Variants in PHF10 observed in about 807,000 individuals in gnomAD.
PHF10 encodes the protein PHD finger protein 10, also known as BRG1-associated factor 45a.
Under a neutral mutation model 68.5 loss-of-function variants are expected in PHF10, and 51 were observed. That is an observed-to-expected ratio of 0.74 (90% confidence interval 0.59 to 0.94). PHF10 has a LOEUF of 0.94. Among genes scored for constraint, PHF10 ranks in the 40% least tolerant of loss-of-function variants. PHF10 has a pLI of 0.00. For missense variants in PHF10, 460 were observed against 602.6 expected (o/e 0.76, Z 2.48); for synonymous variants, 204 against 203.5 (o/e 1.00, Z -0.02).
At chr6:169,716,797 C>T (rs980573727) in intron 4 of PHF10, among the ~76,000 whole-genome samples, 1 of 152,166 alleles carries the variant, frequency 6.6e-6, no homozygotes, top group African/African-American at 2.4e-5. Context: ...CAGCACACTA[C>T]AACCCCAAAG....
In PHF10 at chr6:169,705,615, C is replaced by T. The variant is rs747986925; in HGVS notation, c.1222+1G>A. The T allele has an allele frequency of 8.3e-6, 11 of 1,326,486 alleles. No individual in the cohort carries two copies. The highest frequency in any genetic ancestry group is 1.2e-5 in the Non-Finnish European group (11 of 918,112). The allele number at this position is 1,326,486 out of a possible 1,614,324, so 82.2% of individuals were successfully genotyped here. A position where few individuals can be genotyped will look rare whatever the true frequency, so the allele number is the denominator to read the frequency against. On this transcript the variant is annotated splice_donor_variant, in intron 10 of 11. Coordinates refer to ENST00000339209, the MANE Select transcript of PHF10 (RefSeq NM_018288.4). LOFTEE classifies it high-confidence loss of function. The stretch of plus-strand genomic sequence containing the variant: ...TTTTAAAAAGACATTTCAATACTTA[C>T]CACTATTCTCACATTGGGAGCAGTG...
chr6:169,712,419 TC>T lies in PHF10; in HGVS notation c.923del (p.Arg308GlnfsTer77). ...DGDSDDGEDGRGDEKRKNKGT... is the reference protein window; with the variant it reads ...DGDSDDGEDGXGDEKRKNKGT... ...CTTTATTTTTCCGTTTCTCATCACC[TC>T]GACCATCTTCGCCATCATCTGAATC... is the stretch of plus-strand genomic sequence containing the variant. On this transcript the variant is annotated frameshift_variant, in exon 8 of 12. Coordinates refer to ENST00000339209, the MANE Select transcript of PHF10 (RefSeq NM_018288.4). LOFTEE classifies it high-confidence loss of function. 1 of 1,614,116 alleles carries T rather than the reference TC, an allele frequency of 6.2e-7. No individual in the cohort carries two copies. The highest frequency in any genetic ancestry group is 8.5e-7 in the Non-Finnish European group (1 of 1,179,968).
chr6:169,717,358 AAAAAGT>A (rs1234441971), intron 4 of PHF10, among the ~76,000 whole-genome samples: 3 of 152,228 alleles, frequency 2.0e-5, no homozygotes, highest in Admixed American at 6.5e-5. Context: ...AAACTATCCT[AAAAAGT>A]AAAAGCATTT....
chr6:169,713,337 G>A (rs768560038), intron 7 of PHF10, among the ~76,000 whole-genome samples: 1 of 152,054 alleles, frequency 6.6e-6, no homozygotes, highest in Non-Finnish European at 1.5e-5. Context: ...AGTGGCTCAC[G>A]CCTATAATCC....
At position 169,705,126 on chromosome 6, in the gene PHF10, T is replaced by C. The variant is rs749753679; in HGVS notation, c.1411+7A>G. 5 of 1,589,264 alleles carry C rather than the reference T, an allele frequency of 3.1e-6. No individual in the cohort carries two copies. Among genetic ancestry groups the C allele is most frequent in the Admixed American group, 3.5e-5 (2 of 56,986 alleles). ...AAGATAATGTTTGCTCTTTTTTTAA[T>C]CTTTACCTGATGGAATAGCACCAAG... On this transcript the variant is annotated splice_region_variant and intron_variant, in intron 11 of 11. Transcript: ENST00000339209.
chr6:169,710,011 A>C, intron 9 of PHF10: 1 of 338,940 alleles, frequency 3.0e-6, no homozygotes, highest in Non-Finnish European at 5.3e-6. Context: ...AAGACTTATA[A>C]ATTGTACATA....
intron 2 of PHF10, 43 bp downstream of exon 2, chr6:169,720,962 G>A (rs1390170780): frequency 1.9e-6 from 2 of 1,030,888 alleles, no homozygotes; most frequent in South Asian, 2.8e-5. Flanking sequence ...AAGGCAAAGA[G>A]GAACATCACA....
rs2128329816 is a variant in PHF10 at position 169,712,421 on chromosome 6, G to A, written c.922C>T (p.Arg308Ter). 6 of 1,613,924 alleles carry A rather than the reference G, an allele frequency of 3.7e-6. No homozygotes were observed. The highest frequency in any genetic ancestry group is 1.1e-5 in the South Asian group (1 of 91,042). ...DGDSDDGEDG[R>*]GDEKRKNKGT... ...TTATTTTTCCGTTTCTCATCACCTC[G>A]ACCATCTTCGCCATCATCTGAATCA... is the stretch of plus-strand genomic sequence containing the variant. The change falls in exon 8 of 12, where the codon CGA becomes TGA. Residue 308 changes from arginine to a stop codon, truncating the protein, a stop_gained. Coordinates refer to ENST00000339209, the MANE Select transcript of PHF10 (RefSeq NM_018288.4). LOFTEE classifies it high-confidence loss of function.
rs192850151 is a variant in PHF10, at chr6:169,722,328, A to G, written c.88-1217T>C. ...CTAAATCTACTCTCTGAAAATTTGC[A>G]TAAGTATCTGCATACAACTGCAACA... On this transcript the variant is annotated intron_variant, in intron 1 of 11. Coordinates refer to ENST00000339209, the MANE Select transcript of PHF10 (RefSeq NM_018288.4). Among the ~76,000 whole-genome samples the G allele has an allele frequency of 1.3e-3, 202 of 152,366 alleles. 1 individual carries two copies. Among genetic ancestry groups the G allele is most frequent in the African/African-American group, 4.5e-3 (187 of 41,584 alleles).
intron 11 of PHF10, chr6:169,704,436 C>A (rs1192145712): frequency 1.3e-5 from 3 of 234,952 alleles, no homozygotes; most frequent in Non-Finnish European, 2.6e-5. Flanking sequence ...TTTTTCTCTC[C>A]TGCTCACTGG....
chr6:169,705,296 T>C lies in PHF10; in HGVS notation c.1248A>G (p.Thr416=), dbSNP rs1238194745. The change falls in exon 11 of 12, where the codon ACA becomes ACG. Residue 416 remains threonine (T), a synonymous_variant. Transcript: ENST00000339209. ...TCTTAATCATAGAAACAAGCTCCAT[T>C]GTCATATCCAGGCAAGAAGGATGGC... ...NSGHPSCLDM[T]MELVSMIKTY... 8 of 1,611,006 alleles carry C rather than the reference T, an allele frequency of 5.0e-6. No homozygotes were observed. The highest frequency in any genetic ancestry group is 6.8e-6 in the Non-Finnish European group (8 of 1,178,714).
chr6:169,720,130 T>C (rs1459024764), intron 2 of PHF10, among the ~76,000 whole-genome samples: 1 of 152,124 alleles, frequency 6.6e-6, no homozygotes, highest in African/African-American at 2.4e-5. Context: ...CCACACCTTT[T>C]AGGGTAACTA....
intron 1 of PHF10, among the ~76,000 whole-genome samples, chr6:169,721,500 C>G (rs1314758820): frequency 6.6e-6 from 1 of 152,162 alleles, no homozygotes; most frequent in African/African-American, 2.4e-5. Context: ...TAATTGACTA[C>G]TTTAGGCATT....
intron 2 of PHF10, chr6:169,719,181 C>T (rs1487572537): frequency 1.1e-5 from 3 of 279,754 alleles, no homozygotes; most frequent in Admixed American, 5.0e-5. Context: ...AGAACGAAGG[C>T]ATTTTTAGTT....
chr6:169,718,214 G>A (rs1213364537), intron 3 of PHF10, among the ~76,000 whole-genome samples: 1 of 152,066 alleles, frequency 6.6e-6, no homozygotes, highest in Non-Finnish European at 1.5e-5. Flanking sequence ...CTATTCCTTA[G>A]ATCAAGAAAC....
intron 9 of PHF10, chr6:169,707,641 T>A (rs1788833532): frequency 6.6e-6 from 1 of 151,764 alleles, no homozygotes; most frequent in African/African-American, 2.4e-5. Flanking sequence ...CCAAAAGGAG[T>A]AAAACACAAG....
At position 169,705,316 on chromosome 6, in the gene PHF10, G is replaced by GAT. The variant is rs1562983678; in HGVS notation, c.1226_1227dup (p.Pro410IlefsTer7). 6 of 1,604,064 alleles carry GAT rather than the reference G, an allele frequency of 3.7e-6. No homozygotes were observed. Among genetic ancestry groups the GAT allele is most frequent in the Non-Finnish European group, 3.4e-6 (4 of 1,175,082 alleles). On this transcript the variant is annotated frameshift_variant, in exon 11 of 12. Transcript: ENST00000339209. LOFTEE classifies it high-confidence loss of function. Reference sequence around the variant, plus strand: ...TCCATTGTCATATCCAGGCAAGAAGGATGGCCTAAATCAAAACCAGTATTA... The same window carrying GAT: ...TCCATTGTCATATCCAGGCAAGAAGGATATGGCCTAAATCAAAACCAGTATTA...
At chr6:169,704,111 A>G in intron 11 of PHF10, 23 bp from the exon 12 acceptor site, 2 of 1,556,680 alleles carry the variant, frequency 1.3e-6, no homozygotes, top group Non-Finnish European at 1.7e-6. Flanking sequence ...TTGTTAATAT[A>G]GAATGAAAAA....
chr6:169,704,134 G>A lies in PHF10; in HGVS notation c.1412-46C>T, dbSNP rs752577271. On this transcript the variant is annotated intron_variant, in intron 11 of 11. Transcript: ENST00000339209. ...ATAGAATGAAAAATTATCTTTACAG[G>A]ACTGAATTTTAAGCCCATCTAAACT... The A allele has an allele frequency of 3.5e-6, 5 of 1,432,356 alleles. No individual in the cohort carries two copies. In the Middle Eastern group the frequency reaches 5.6e-4, roughly 161 times the overall value. 88.7% of individuals were successfully genotyped at this position (1,432,356 alleles called of 1,614,324 possible).
Sources: allele counts gnomAD v4.1 joint callset (sites outside exome capture counted in the v4.1 genomes callset), GRCh38; gene constraint gnomAD v4.1.1; transcripts MANE v1.5; gene names NCBI Gene and HGNC (gene_info 2026-07-23, HGNC 2026-07-21).